The following OTUD7A variants were observed in gnomAD, a reference collection of about 807,000 sequenced individuals.
OTUD7A encodes OTU domain-containing protein 7A.
A neutral mutation model predicts 65.7 loss-of-function variants in OTUD7A; 12 were observed. The observed-to-expected ratio is 0.18, with a 90% CI of 0.12 to 0.30. The LOEUF (loss-of-function observed/expected upper bound fraction) is 0.30. Among genes scored for constraint, OTUD7A ranks in the 10% least tolerant of loss-of-function variants. OTUD7A has a pLI of 1.00. For missense variants in OTUD7A, 1,148 were observed against 1,304.8 expected (o/e 0.88, Z 1.85); for synonymous variants, 641 against 586.3 (o/e 1.09, Z -1.35).
At chr15:31,794,631 G>GA (rs66726796) in intron 1 of OTUD7A, among the ~76,000 whole-genome samples, 50,724 of 142,426 alleles carry the variant, frequency 0.36, 10,078 homozygotes, top group Middle Eastern at 0.53. Flanking sequence ...ATAGAATAGT[G>GA]AAAAAAAAAA....
intron 1 of OTUD7A, among the ~76,000 whole-genome samples, chr15:31,670,949 T>C (rs1274256776): frequency 1.3e-5 from 2 of 151,660 alleles, no homozygotes; most frequent in East Asian, 3.9e-4. Flanking sequence ...GAGCCGAGAT[T>C]GCACCACTGC....
At chr15:31,503,254 A>G (rs967340821) in intron 9 of OTUD7A, among the ~76,000 whole-genome samples, 1 of 152,198 alleles carries the variant, frequency 6.6e-6, no homozygotes, top group Non-Finnish European at 1.5e-5. Context: ...TGATTCTACC[A>G]TAGCTTTTGC....
At chr15:31,641,662 T>C (rs1891520424) in intron 3 of OTUD7A, among the ~76,000 whole-genome samples, 1 of 152,358 alleles carries the variant, frequency 6.6e-6, no homozygotes, top group East Asian at 1.9e-4. Context: ...TTTTATATTT[T>C]TGGATGCTAC....
intron 1 of OTUD7A, among the ~76,000 whole-genome samples, chr15:31,836,779 T>C (rs1450172463): frequency 6.6e-6 from 1 of 152,326 alleles, no homozygotes; most frequent in Non-Finnish European, 1.5e-5. Context: ...AAAAAGCATT[T>C]GGCAGATCCA....
chr15:31,752,314 G>C (rs1894659614), intron 1 of OTUD7A, among the ~76,000 whole-genome samples: 2 of 152,194 alleles, frequency 1.3e-5, no homozygotes, highest in Admixed American at 6.5e-5. Context: ...TGACGTATAT[G>C]AGGAAAATCT....
rs1446370996 is a variant in OTUD7A, at chr15:31,511,060, CATACATAT to C, written c.894-7250_894-7243del. On this transcript the variant is annotated intron_variant, in intron 8 of 12. Coordinates refer to ENST00000307050, the MANE Select transcript of OTUD7A (RefSeq NM_001382637.1). ...AACATACATGTATATCTATATGTAACATACATATATATGTATATCTATATGTAACATAC... is the reference window on the plus strand; with the variant it reads ...AACATACATGTATATCTATATGTAACATATGTATATCTATATGTAACATAC... Among the ~76,000 whole-genome samples the C allele has an allele frequency of 1.3e-4, 9 of 67,818 alleles. 3 individuals are homozygous for C. Among genetic ancestry groups the C allele is most frequent in the Non-Finnish European group, 2.2e-4 (9 of 40,438 alleles). The allele number at this position is 67,818 out of a possible 152,430, so 44.5% of individuals were successfully genotyped here. A position where few individuals can be genotyped will look rare whatever the true frequency, so the allele number is the denominator to read the frequency against.
At position 31,860,637 on chromosome 15, in the gene OTUD7A, A is replaced by ATATATATATATATATATATATATATG. The variant is rs1296261170; in HGVS notation, c.-100+9869_-100+9870insCATATATATATATATATATATATATA. Among the ~76,000 whole-genome samples, 237 of 127,392 alleles carry ATATATATATATATATATATATATATG rather than the reference A, an allele frequency of 1.9e-3. 3 individuals are homozygous for ATATATATATATATATATATATATATG. Among genetic ancestry groups the ATATATATATATATATATATATATATG allele is most frequent in the Middle Eastern group, 7.9e-3 (2 of 254 alleles). The allele number at this position is 127,392 out of a possible 152,430, so 83.6% of individuals were successfully genotyped here. ...CAGAAGTGGAGATATATATATATAT[A>ATATATATATATATATATATATATATG]TATATATGTATGTATGTGTGTATAT... On this transcript the variant is annotated intron_variant, in intron 1 of 12. Transcript: ENST00000307050.
chr15:31,514,823 G>A (rs1440524159), intron 8 of OTUD7A, among the ~76,000 whole-genome samples: 1 of 152,260 alleles, frequency 6.6e-6, no homozygotes. Context: ...GGAAAGGGAA[G>A]TAGAAGAGGA....
chr15:31,526,488 G>C (rs779885146), intron 7 of OTUD7A, 27 bp from the exon 8 acceptor site: 15 of 1,526,480 alleles, frequency 9.8e-6, no homozygotes, highest in African/African-American at 6.8e-5. Flanking sequence ...GGCTCAGAAG[G>C]GGGGTGGGCC....
chr15:31,549,799 A>G (rs1009083374), intron 5 of OTUD7A, among the ~76,000 whole-genome samples: 47 of 152,218 alleles, frequency 3.1e-4, no homozygotes, highest in African/African-American at 1.1e-3. Flanking sequence ...CTTCACTGCC[A>G]TGCCATAAGA....
intron 1 of OTUD7A, among the ~76,000 whole-genome samples, chr15:31,698,506 C>T (rs570696062): frequency 1.3e-5 from 2 of 152,338 alleles, no homozygotes; most frequent in African/African-American, 2.4e-5. Context: ...CCAGGCTCCA[C>T]CTAGACCTGC....
chr15:31,728,582 G>C (rs1007143123), intron 1 of OTUD7A, among the ~76,000 whole-genome samples: 2 of 151,700 alleles, frequency 1.3e-5, no homozygotes, highest in African/African-American at 4.9e-5. Context: ...TGCTTTGTGA[G>C]CTTTCTTCCC....
intron 1 of OTUD7A, among the ~76,000 whole-genome samples, chr15:31,857,253 C>T (rs1464529518): frequency 6.6e-6 from 1 of 152,202 alleles, no homozygotes; most frequent in Non-Finnish European, 1.5e-5. Flanking sequence ...CGAGAGCCCA[C>T]GGTAGCACCT....
At chr15:31,652,000 CAAAAA>C (rs34951638) in intron 3 of OTUD7A, among the ~76,000 whole-genome samples, 2 of 114,712 alleles carry the variant, frequency 1.7e-5, no homozygotes, top group African/African-American at 3.0e-5. Flanking sequence ...CATAGAAAGG[CAAAAA>C]AAAAAAAAAA....
At chr15:31,686,506 C>T (rs1892840209) in intron 1 of OTUD7A, among the ~76,000 whole-genome samples, 1 of 152,262 alleles carries the variant, frequency 6.6e-6, no homozygotes, top group African/African-American at 2.4e-5. Flanking sequence ...GCACTTCACT[C>T]CTCCCATAAC....
intron 1 of OTUD7A, among the ~76,000 whole-genome samples, chr15:31,775,972 A>G (rs958207469): frequency 3.9e-5 from 6 of 152,258 alleles, no homozygotes; most frequent in African/African-American, 1.4e-4. Flanking sequence ...ACGCACATAC[A>G]CATACACACA....
Position 31,487,996 on chromosome 15 carries a change from G to T in OTUD7A, c.1172-430C>A, listed in dbSNP as rs538774203. Among the ~76,000 whole-genome samples, 2 of 152,190 alleles carry T rather than the reference G, an allele frequency of 1.3e-5. No homozygotes were observed. The highest frequency in any genetic ancestry group is 2.9e-5 in the Non-Finnish European group (2 of 68,030). On this transcript the variant is annotated intron_variant, in intron 10 of 12. Coordinates refer to ENST00000307050, the MANE Select transcript of OTUD7A (RefSeq NM_001382637.1). The surrounding 1 kb of genome is among the most constrained non-coding windows in gnomAD (Gnocchi z 6.0). ...TGCAAGTCAGGTGAGCAAGGGTGTT[G>T]CTGACCTCTACTGGTTTGTAATTTT... is the stretch of plus-strand genomic sequence containing the variant.
At chr15:31,521,727 T>C (rs1017149930) in intron 8 of OTUD7A, among the ~76,000 whole-genome samples, 1 of 152,088 alleles carries the variant, frequency 6.6e-6, no homozygotes, top group Non-Finnish European at 1.5e-5. Flanking sequence ...GCAAACACAT[T>C]GTCAGTGAAA....
intron 1 of OTUD7A, among the ~76,000 whole-genome samples, chr15:31,694,843 T>C (rs1172916799): frequency 6.6e-6 from 1 of 150,810 alleles, no homozygotes; most frequent in East Asian, 1.9e-4. Flanking sequence ...TACCACGTTT[T>C]ACATTTTCTT....
Sources: gnomAD v4.1 joint callset for allele counts (sites outside exome capture counted in the v4.1 genomes callset) on GRCh38, gnomAD v4.1.1 for gene constraint, Gnocchi (gnomAD v3.1) non-coding constraint, MANE v1.5 for transcripts, NCBI Gene and HGNC (gene_info 2026-07-23, HGNC 2026-07-21) for gene names.